Variants in TSKS observed in about 807,000 individuals in gnomAD.
TSKS encodes testis specific serine kinase substrate, also known as testis-specific serine kinase substrate.
TSKS carries 27 observed loss-of-function variants against 68.0 expected under a neutral mutation model. That is an observed-to-expected ratio of 0.40 (90% CI 0.29 to 0.55). The LOEUF (loss-of-function observed/expected upper bound fraction) is 0.55. Among genes scored for constraint, TSKS ranks in the 20% least tolerant of loss-of-function variants. The pLI is 0.53. For missense variants in TSKS, 806 were observed against 776.0 expected (o/e 1.04, Z -0.46); for synonymous variants, 331 against 340.4 (o/e 0.97, Z 0.30).
intron 9 of TSKS, among the ~76,000 whole-genome samples, chr19:49,740,660 G>A (rs1395937964): frequency 6.6e-6 from 1 of 151,896 alleles, no homozygotes; most frequent in African/African-American, 2.4e-5. Flanking sequence ...GACACGGGTG[G>A]ATCACTTAAG....
rs2084459421 is a variant in TSKS at position 49,763,230 on chromosome 19, C to T, written c.18G>A (p.Val6=). 6.6e-7 allele frequency: 1 copy of T among 1,509,572 alleles called. No individual in the cohort carries two copies. The highest frequency in any genetic ancestry group is 2.2e-5 in the Admixed American group (1 of 45,358). 93.5% of individuals were successfully genotyped at this position (1,509,572 alleles called of 1,614,324 possible). MASVV[V]KTIWQSKEIH... is the part of the protein sequence containing the mutation. ...TCTCTTTGGACTGCCAGATCGTCTT[C>T]ACCACCACGCTCGCCATGGTGTGGG... Residue 6 remains valine, a synonymous_variant, in exon 1 of 11, where the codon GTG becomes GTA. Coordinates refer to ENST00000246801, the MANE Select transcript of TSKS (RefSeq NM_021733.2). This position sits in a 1 kb window ranked among gnomAD's most constrained non-coding sequence, Gnocchi z 4.5.
chr19:49,740,240 G>T, intron 9 of TSKS, 57 bp from the exon 10 acceptor site: 1 of 1,568,830 alleles, frequency 6.4e-7, no homozygotes, highest in Non-Finnish European at 8.6e-7. Context: ...GGGGTGGAGG[G>T]GGAACTGGAT....
chr19:49,746,325 C>T, intron 6 of TSKS, 145 bp downstream of exon 6: 3 of 950,300 alleles, frequency 3.2e-6, no homozygotes, highest in Non-Finnish European at 4.7e-6. Flanking sequence ...ACCTCAGGTC[C>T]CCGAGGCTCC....
intron 2 of TSKS, among the ~76,000 whole-genome samples, chr19:49,758,391 C>G (rs1480252643): frequency 1.3e-5 from 2 of 152,208 alleles, no homozygotes; most frequent in African/African-American, 4.8e-5. Flanking sequence ...GGCCGACACT[C>G]CCCTGCAGCC....
chr19:49,748,459 T>C lies in TSKS; in HGVS notation c.410A>G (p.Asn137Ser). The C allele has an allele frequency of 6.2e-7, 1 of 1,614,122 alleles. No individual in the cohort carries two copies. The highest frequency in any genetic ancestry group is 1.1e-5 in the South Asian group (1 of 91,080). The stretch of plus-strand genomic sequence containing the variant: ...GTCTTTGGCGCGGACCAATCCACTG[T>C]TGACCCCACTCTGGGGAAGAATGGG... Reference protein sequence around the residue: ...ADITEILSGVNSGLVRAKDSI... With the variant: ...ADITEILSGVSSGLVRAKDSI... The change falls in exon 3 of 11, where the codon AAC (asparagine) becomes AGC (serine). Residue 137 changes from asparagine to serine, a missense_variant. Physicochemically the swap from Asn to Ser is conservative, Grantham distance 46. Transcript: ENST00000246801.
rs1201925930 is a variant in TSKS, at chr19:49,739,847, T to C, written c.1708A>G (p.Thr570Ala). ...CTGCTGCCTCCCCCCATTGTTCCCG[T>C]GGACCCCTCAAGTGGCAGGTTGCTG... ...HLSNLPLEGS[T>A]GTMGGGSSAG... is the part of the protein sequence containing the mutation. The change falls in exon 11 of 11, where the codon ACG becomes GCG. Residue 570 changes from threonine to alanine, a missense_variant. Thr to Ala is a moderately conservative substitution (Grantham distance 58). Coordinates refer to ENST00000246801, the MANE Select transcript of TSKS (RefSeq NM_021733.2). The C allele has an allele frequency of 6.2e-7, 1 of 1,614,004 alleles. No individual in the cohort carries two copies. The highest frequency in any genetic ancestry group is 1.7e-5 in the Admixed American group (1 of 59,990).
At chr19:49,745,589 C>T (rs2123605504) in intron 6 of TSKS, among the ~76,000 whole-genome samples, 193 bp from the exon 7 acceptor site, 1 of 152,226 alleles carries the variant, frequency 6.6e-6, no homozygotes, top group East Asian at 1.9e-4. Context: ...CTCCAGAGCC[C>T]CGCCTTTATC....
At chr19:49,755,863 C>A (rs550111187) in intron 2 of TSKS, among the ~76,000 whole-genome samples, 1 of 151,478 alleles carries the variant, frequency 6.6e-6, no homozygotes, top group South Asian at 2.1e-4. Flanking sequence ...TAGCCTGGCG[C>A]GGTGGTAGGC....
At chr19:49,749,194 G>GC (rs2084328231) in intron 2 of TSKS, among the ~76,000 whole-genome samples, 1 of 152,178 alleles carries the variant, frequency 6.6e-6, no homozygotes, top group African/African-American at 2.4e-5. Flanking sequence ...TATGCACCAA[G>GC]CACTTGTCTT....
At position 49,746,818 on chromosome 19, in the gene TSKS, G is replaced by A. The variant is rs757849956; in HGVS notation, c.664-20C>T. ...CTTCTCCTGGGTGGTAAGGGAGGAC[G>A]GGGTCACAGCGTCCAGCCGCTTTCC... On this transcript the variant is annotated intron_variant, in intron 5 of 10. Transcript: ENST00000246801. 4 of 1,593,282 alleles carry A rather than the reference G, an allele frequency of 2.5e-6. No homozygotes were observed. Among genetic ancestry groups the A allele is most frequent in the Non-Finnish European group, 3.4e-6 (4 of 1,176,576 alleles).
intron 9 of TSKS, among the ~76,000 whole-genome samples, chr19:49,741,291 A>G (rs1013245450): frequency 1.3e-5 from 2 of 152,258 alleles, no homozygotes; most frequent in African/African-American, 2.4e-5. Context: ...GGCCACATCA[A>G]TGTCCCACAG....
Position 49,746,523 on chromosome 19 carries a change from G to A in TSKS, c.939C>T (p.Pro313=), listed in dbSNP as rs1348737952. ...WGMGPRAGEG[P]YVSEQELQKL... ...TCTGCAATTCCTGCTCGCTCACGTA[G>A]GGGCCCTCGCCAGCCCGAGGCCCCA... The change falls in exon 6 of 11, where the codon CCC becomes CCT. Residue 313 remains proline (P), a synonymous_variant. Coordinates refer to ENST00000246801, the MANE Select transcript of TSKS (RefSeq NM_021733.2). The A allele has an allele frequency of 6.2e-7, 1 of 1,613,826 alleles. No homozygotes were observed.
chr19:49,744,172 CCGCATCTCCTTT>C (rs2084276258), intron 8 of TSKS, 47 bp downstream of exon 8: 1 of 1,555,102 alleles, frequency 6.4e-7, no homozygotes, highest in South Asian at 1.1e-5. Context: ...CCATCTCCTT[CCGCATCTCCTTT>C]AATGTCCTAT....
intron 2 of TSKS, among the ~76,000 whole-genome samples, chr19:49,753,712 C>A (rs2084370472): frequency 1.3e-5 from 2 of 149,904 alleles, no homozygotes; most frequent in Admixed American, 1.3e-4. Flanking sequence ...ACAATCATGC[C>A]ACTGTACAGT....
chr19:49,761,921 C>T (rs1272464443), intron 2 of TSKS, 83 bp downstream of exon 2: 4 of 1,188,626 alleles, frequency 3.4e-6, no homozygotes, highest in Non-Finnish European at 4.8e-6. Context: ...AAGTCAAAAA[C>T]ACCCCACCCC....
intron 2 of TSKS, 48 bp from the exon 3 acceptor site, chr19:49,748,517 G>GC: frequency 6.4e-7 from 1 of 1,555,382 alleles, no homozygotes; most frequent in South Asian, 1.1e-5. Flanking sequence ...GTGGGGGCAA[G>GC]CCCCAAGCCC....
intron 2 of TSKS, among the ~76,000 whole-genome samples, chr19:49,759,927 G>A (rs2084426943): frequency 1.3e-5 from 2 of 150,984 alleles, no homozygotes; most frequent in African/African-American, 4.9e-5. Flanking sequence ...GCTGAGGTGG[G>A]CGGTCATCTG....
In TSKS at chr19:49,741,959, G is replaced by A; in HGVS notation, c.1423C>T (p.Leu475=). ...CCCCTCTGCTTCACCTCGTCCACTA[G>A]TGAGGTCAGTGCTCGGTCCAGCAGC... ...QQLLDRALTS[L]VDEVKQRGLT... Residue 475 remains leucine, a synonymous_variant, in exon 9 of 11, where the codon CTA becomes TTA. Coordinates refer to ENST00000246801, the MANE Select transcript of TSKS (RefSeq NM_021733.2). The A allele has an allele frequency of 6.2e-7, 1 of 1,614,180 alleles. No individual in the cohort carries two copies. Among genetic ancestry groups the A allele is most frequent in the Non-Finnish European group, 8.5e-7 (1 of 1,180,032 alleles).
At chr19:49,757,605 A>G (rs1882940) in intron 2 of TSKS, among the ~76,000 whole-genome samples, 1 of 152,158 alleles carries the variant, frequency 6.6e-6, no homozygotes, top group East Asian at 1.9e-4. Context: ...ATGGAGATAT[A>G]ACTAACAACT....
Sources: allele counts gnomAD v4.1 joint callset (sites outside exome capture counted in the v4.1 genomes callset), GRCh38; gene constraint gnomAD v4.1.1; non-coding constraint Gnocchi (gnomAD v3.1); transcripts MANE v1.5; gene names NCBI Gene and HGNC (gene_info 2026-07-23, HGNC 2026-07-21).